The following SAP30BP variants were observed in gnomAD, a reference collection of about 807,000 sequenced individuals.
SAP30BP encodes SAP30-binding protein.
A neutral mutation model predicts 46.3 loss-of-function variants in SAP30BP; 31 were observed. The observed-to-expected ratio is 0.67, with a 90% CI of 0.50 to 0.90. The LOEUF is 0.90. Ranked by LOEUF, SAP30BP falls within the 40% of genes least tolerant of loss-of-function variation. SAP30BP has a pLI of 0.00. For synonymous variants in SAP30BP, 169 were observed against 144.2 expected (o/e 1.17, Z -1.23); for missense variants, 312 against 391.0 (o/e 0.80, Z 1.70).
At chr17:75,667,774 C>G (rs1411426369) in intron 1 of SAP30BP, among the ~76,000 whole-genome samples, 2 of 152,228 alleles carry the variant, frequency 1.3e-5, no homozygotes, top group African/African-American at 4.8e-5. Flanking sequence ...CCTGTTTCCC[C>G]TGGGCTCGTT....
intron 5 of SAP30BP, among the ~76,000 whole-genome samples, chr17:75,700,941 C>T (rs2060400702): frequency 6.6e-6 from 1 of 152,168 alleles, no homozygotes; most frequent in Non-Finnish European, 1.5e-5. Context: ...TCTTATGGCC[C>T]AGGAGACACA....
intron 3 of SAP30BP, among the ~76,000 whole-genome samples, chr17:75,682,111 C>G (rs2060085001): frequency 2.0e-5 from 3 of 150,210 alleles, no homozygotes; most frequent in Non-Finnish European, 3.0e-5. Context: ...TTATTTTTGT[C>G]AAATTATTGT....
chr17:75,700,626 G>A (rs1413273872), intron 5 of SAP30BP, among the ~76,000 whole-genome samples: 1 of 152,208 alleles, frequency 6.6e-6, no homozygotes, highest in Non-Finnish European at 1.5e-5. Context: ...GCTAAGGAAT[G>A]CAGCAAGCTA....
chr17:75,697,665 C>T (rs1033118302), intron 4 of SAP30BP, among the ~76,000 whole-genome samples: 3 of 152,158 alleles, frequency 2.0e-5, no homozygotes, highest in African/African-American at 7.2e-5. Flanking sequence ...CAGTGAAAAT[C>T]AACACATGAA....
intron 4 of SAP30BP, among the ~76,000 whole-genome samples, chr17:75,697,525 C>A (rs1248638231): frequency 6.6e-6 from 1 of 152,212 alleles, no homozygotes; most frequent in East Asian, 1.9e-4. Flanking sequence ...TCTTGGGCTG[C>A]ACTGGCATCT....
intron 3 of SAP30BP, among the ~76,000 whole-genome samples, chr17:75,677,069 T>A (rs1204725248): frequency 6.6e-6 from 1 of 151,760 alleles, no homozygotes; most frequent in Non-Finnish European, 1.5e-5. Flanking sequence ...TGTCAAGATG[T>A]CATAAAACTA....
chr17:75,692,342 C>A (rs1219215805), intron 3 of SAP30BP: 1 of 985,454 alleles, frequency 1.0e-6, no homozygotes, highest in Non-Finnish European at 1.2e-6. Flanking sequence ...TCGAAAAGGT[C>A]TTGTTGCAGG....
chr17:75,699,963 G>A, intron 5 of SAP30BP, 92 bp downstream of exon 5: 1 of 898,898 alleles, frequency 1.1e-6, no homozygotes, highest in Non-Finnish European at 1.8e-6. Context: ...ACCATGGCAG[G>A]GAAAGGGACT....
intron 4 of SAP30BP, among the ~76,000 whole-genome samples, chr17:75,698,895 A>G (rs1388755951): frequency 6.6e-6 from 1 of 152,188 alleles, no homozygotes; most frequent in African/African-American, 2.4e-5. Flanking sequence ...TCTTTCCTTA[A>G]AAGTTAACCA....
intron 8 of SAP30BP, among the ~76,000 whole-genome samples, chr17:75,704,076 A>G (rs1045244211): frequency 2.6e-5 from 4 of 152,182 alleles, no homozygotes; most frequent in African/African-American, 7.2e-5. Flanking sequence ...CAGTAACGCC[A>G]GCATCGATGA....
chr17:75,704,698 C>G, intron 8 of SAP30BP, 58 bp from the exon 9 acceptor site: 2 of 1,272,766 alleles, frequency 1.6e-6, no homozygotes, highest in Non-Finnish European at 2.3e-6. Context: ...AGAGTAGGCT[C>G]CCTCAGCCCA....
rs11558668 is a variant in SAP30BP, at chr17:75,699,860, A to C, written c.385A>C (p.Asn129His). Residue 129 changes from asparagine (N) to histidine (H), a missense_variant, in exon 5 of 11, where the codon AAT becomes CAT. By Grantham distance (68) the Asn-to-His change is moderately conservative (BLOSUM62 1). Around this residue, in one of 2 missense-constraint regions of SAP30BP, gnomAD observed 296 missense variants for 346.6 expected, o/e 0.85. Coordinates refer to ENST00000584667, the MANE Select transcript of SAP30BP (RefSeq NM_013260.8). The stretch of plus-strand genomic sequence containing the variant: ...GCCAGAACCCCCTGGCAGATGTTCA[A>C]ATCACTTGCAAGTAAGCATGAGACT... ...IPPEPPGRCS[N>H]HLQDKIQKLY... The C allele has an allele frequency of 1.1e-3, 1,780 of 1,612,142 alleles. 4 individuals are homozygous for C. The highest frequency in any genetic ancestry group is 1.3e-3 in the Non-Finnish European group (1,485 of 1,178,280).
At chr17:75,682,833 CGT>C (rs1568307200) in intron 3 of SAP30BP, among the ~76,000 whole-genome samples, 3 of 151,168 alleles carry the variant, frequency 2.0e-5, no homozygotes, top group African/African-American at 7.3e-5. Flanking sequence ...CATGGTGGCA[CGT>C]GCCTGTAATC....
rs1033095115 is a variant in SAP30BP, at chr17:75,706,830, C to T, written c.*309C>T. On this transcript the variant is annotated 3_prime_UTR_variant, in exon 11 of 11. Transcript: ENST00000584667. The surrounding 1 kb of genome is among the most constrained non-coding windows in gnomAD (Gnocchi z 4.6). ...GGCAAATGCTTCAGCTCACATGTCC[C>T]CCAAGACTCAATAGTCTTGGTTGGG... The T allele has an allele frequency of 2.2e-5, 9 of 402,040 alleles. No homozygotes were observed. The highest frequency in any genetic ancestry group is 1.8e-4 in the African/African-American group (9 of 50,004). The allele number at this position is 402,040 out of a possible 1,614,324, so 24.9% of individuals were successfully genotyped here.
At position 75,667,733 on chromosome 17, in the gene SAP30BP, G is replaced by A. The variant is rs577751335; in HGVS notation, c.106+255G>A. ...CGGCTATAGTGATAGACAGAGGGATGGACGAAGAGGGAGCGGCTGCTCAGC... is the reference window on the plus strand; with the variant it reads ...CGGCTATAGTGATAGACAGAGGGATAGACGAAGAGGGAGCGGCTGCTCAGC... On this transcript the variant is annotated intron_variant, in intron 1 of 10. Coordinates refer to ENST00000584667, the MANE Select transcript of SAP30BP (RefSeq NM_013260.8). Among the ~76,000 whole-genome samples, 3 of 152,386 alleles carry A rather than the reference G, an allele frequency of 2.0e-5. No individual in the cohort carries two copies. The South Asian group carries it at 6.2e-4, about 32-fold the overall frequency.
chr17:75,680,685 T>G (rs1313643846), intron 3 of SAP30BP, among the ~76,000 whole-genome samples: 2 of 152,234 alleles, frequency 1.3e-5, no homozygotes, highest in African/African-American at 4.8e-5. Flanking sequence ...CCACGATTTC[T>G]CGGCTCACTG....
intron 1 of SAP30BP, 144 bp downstream of exon 1, chr17:75,667,622 A>T (rs967878977): frequency 3.0e-6 from 2 of 665,794 alleles, no homozygotes; most frequent in Non-Finnish European, 5.1e-6. Flanking sequence ...GGTGAGATAG[A>T]GCATTAGAGA....
intron 3 of SAP30BP, among the ~76,000 whole-genome samples, chr17:75,687,917 G>GTGTGTGT (rs2060181565): frequency 8.3e-6 from 1 of 120,260 alleles, no homozygotes; most frequent in African/African-American, 3.0e-5. Flanking sequence ...CAGTGTTTGG[G>GTGTGTGT]GTGTGTGTGT....
At chr17:75,694,516 T>C (rs987817640) in intron 4 of SAP30BP, among the ~76,000 whole-genome samples, 7 of 152,332 alleles carry the variant, frequency 4.6e-5, no homozygotes, top group African/African-American at 1.7e-4. Flanking sequence ...AACCAAGATT[T>C]TCCTAAAACC....
Sources: gnomAD v4.1 joint callset for allele counts (sites outside exome capture counted in the v4.1 genomes callset) on GRCh38, gnomAD v4.1.1 for gene constraint, gnomAD v4.1.1 regional missense constraint, Gnocchi (gnomAD v3.1) non-coding constraint, MANE v1.5 for transcripts, NCBI Gene and HGNC (gene_info 2026-07-23, HGNC 2026-07-21) for gene names.